Variants in MACROH2A1 observed in about 807,000 individuals in gnomAD.
The protein encoded by MACROH2A1 is core histone macro-H2A.1.
In MACROH2A1, 2 loss-of-function variants were observed where a neutral mutation model predicts 31.6. That is an observed-to-expected ratio of 0.06 (90% CI 0.03 to 0.20). MACROH2A1 has a LOEUF of 0.20. Ranked by LOEUF, MACROH2A1 falls within the 10% of genes least tolerant of loss-of-function variation. The pLI is 1.00. For synonymous variants in MACROH2A1, 169 were observed against 189.6 expected, an observed-to-expected ratio of 0.89 and a Z score of 0.89; for missense variants, 230 against 474.0, an observed-to-expected ratio of 0.49 and a Z score of 4.78.
chr5:135,366,508 T>G (rs902399669), intron 4 of MACROH2A1, among the ~76,000 whole-genome samples: 5 of 151,180 alleles, frequency 3.3e-5, no homozygotes, highest in Non-Finnish European at 2.9e-5. Flanking sequence ...AGCTAGGAAA[T>G]AGCTAACCCC....
chr5:135,397,580 G>A lies in MACROH2A1; in HGVS notation c.-34+1482C>T, dbSNP rs565738778. On this transcript the variant is annotated intron_variant, in intron 1 of 8. Coordinates refer to ENST00000511689, the MANE Select transcript of MACROH2A1 (RefSeq NM_138610.3). ...TCTCTCCTTGTAAAACTAGAAGGGGGAAGAATTTGAAGTCTTTCAAGAGTT... is the reference window on the plus strand; with the variant it reads ...TCTCTCCTTGTAAAACTAGAAGGGGAAAGAATTTGAAGTCTTTCAAGAGTT... 1.8e-4 allele frequency among the ~76,000 whole-genome samples: 28 copies of A among 152,292 alleles called. 1 individual carries two copies. The South Asian group carries it at 5.4e-3, about 29-fold the overall frequency.
chr5:135,351,543 A>ATTTTTTTTTTTTTT lies in MACROH2A1; in HGVS notation c.688+1389_688+1402dup, dbSNP rs57605717. The ATTTTTTTTTTTTTT allele has an allele frequency of 3.7e-4, 18 of 48,498 alleles. 5 individuals are homozygous for ATTTTTTTTTTTTTT. The highest frequency in any genetic ancestry group is 5.4e-4 in the African/African-American group (7 of 13,010). The allele number at this position is 48,498 out of a possible 1,614,324, so 3.0% of individuals were successfully genotyped here. A position where few individuals can be genotyped will look rare whatever the true frequency, so the allele number is the denominator to read the frequency against. Reference sequence around the variant, plus strand: ...TAGCCTATCTTATTTTTATGGTTTAATTTTTTTTTTTTTTTTTTTTTTTTT... The same window carrying ATTTTTTTTTTTTTT: ...TAGCCTATCTTATTTTTATGGTTTAATTTTTTTTTTTTTTTTTTTTTTTTTTTTTTTTTTTTTTT... On this transcript the variant is annotated intron_variant, in intron 6 of 8. Coordinates refer to ENST00000511689, the MANE Select transcript of MACROH2A1 (RefSeq NM_138610.3).
chr5:135,395,735 G>A (rs1199826418), intron 1 of MACROH2A1, among the ~76,000 whole-genome samples: 1 of 152,126 alleles, frequency 6.6e-6, no homozygotes, highest in Non-Finnish European at 1.5e-5. Context: ...CACTCTGATT[G>A]GCTTGGATCA....
At chr5:135,368,436 G>T (rs1212047666) in intron 4 of MACROH2A1, among the ~76,000 whole-genome samples, 1 of 152,230 alleles carries the variant, frequency 6.6e-6, no homozygotes, top group Middle Eastern at 3.2e-3. Context: ...AGATTCCACA[G>T]ATGCATTTCC....
At chr5:135,367,077 A>C (rs550889229) in intron 4 of MACROH2A1, among the ~76,000 whole-genome samples, 3 of 152,340 alleles carry the variant, frequency 2.0e-5, no homozygotes, top group Non-Finnish European at 1.5e-5. Flanking sequence ...AAGTGTTGAC[A>C]CCTGAAAAAT....
chr5:135,345,862 C>G (rs765649229), intron 7 of MACROH2A1, 106 bp downstream of exon 7: 7 of 746,882 alleles, frequency 9.4e-6, no homozygotes, highest in Non-Finnish European at 1.7e-5. Flanking sequence ...CTTGAAGATG[C>G]GGCTGTGCTG....
chr5:135,358,288 T>C (rs1017171860), intron 5 of MACROH2A1: 4 of 985,288 alleles, frequency 4.1e-6, no homozygotes, highest in Middle Eastern at 5.2e-4. Flanking sequence ...GAAAGGGCAG[T>C]TGGAACCCTA....
intron 4 of MACROH2A1, 123 bp from the exon 5 acceptor site, chr5:135,360,730 C>A: frequency 2.7e-6 from 2 of 736,286 alleles, no homozygotes; most frequent in Non-Finnish European, 4.9e-6. Context: ...ACAACCAGTT[C>A]TCAGCGTTTC....
intron 2 of MACROH2A1, among the ~76,000 whole-genome samples, chr5:135,377,972 T>C (rs149515521): frequency 2.4e-4 from 37 of 152,336 alleles, no homozygotes; most frequent in Non-Finnish European, 4.4e-4. Context: ...CTATAGCTCC[T>C]GAGGTCTTTA....
chr5:135,399,337 G>A (rs1005195141), upstream of MACROH2A1: 2 of 152,112 alleles, frequency 1.3e-5, no homozygotes, highest in Non-Finnish European at 2.9e-5. The surrounding 1 kb of genome is among the most constrained non-coding windows in gnomAD (Gnocchi z 4.5). Context: ...CCGGCGCCCC[G>A]GCCTTGACCC....
At chr5:135,372,111 T>C (rs1764245905) in intron 2 of MACROH2A1, among the ~76,000 whole-genome samples, 1 of 152,136 alleles carries the variant, frequency 6.6e-6, no homozygotes, top group Non-Finnish European at 1.5e-5. Context: ...AGGCAGGAAT[T>C]CCTTTGCTCA....
intron 4 of MACROH2A1, among the ~76,000 whole-genome samples, chr5:135,364,379 A>C (rs1050805495): frequency 1.3e-5 from 2 of 152,228 alleles, no homozygotes; most frequent in Non-Finnish European, 2.9e-5. Context: ...TACATATGTA[A>C]CACACCTGCA....
chr5:135,397,189 G>A lies in MACROH2A1; in HGVS notation c.-34+1873C>T, dbSNP rs550974740. Reference sequence around the variant, plus strand: ...AATCTCCTTTAGGTGACTTGGGGCCGCATTAGCTCTGAAGGCAGGTCCCAG... The same window carrying A: ...AATCTCCTTTAGGTGACTTGGGGCCACATTAGCTCTGAAGGCAGGTCCCAG... On this transcript the variant is annotated intron_variant, in intron 1 of 8. Transcript: ENST00000511689. Among the ~76,000 whole-genome samples the A allele has an allele frequency of 3.9e-5, 6 of 152,120 alleles. No homozygotes were observed. In the South Asian group the frequency reaches 6.2e-4, roughly 16 times the overall value.
chr5:135,358,446 A>G lies in MACROH2A1; in HGVS notation c.588+2051T>C, dbSNP rs550774827. On this transcript the variant is annotated intron_variant, in intron 5 of 8. Transcript: ENST00000511689. ...TCTTGGATCATAAAGTCACAAGCAC[A>G]TTAAACAGGAAGGGCAGTTTCTTGG... 3.0e-6 allele frequency: 3 copies of G among 985,414 alleles called. No homozygotes were observed. In the African/African-American group the frequency reaches 5.2e-5, roughly 17 times the overall value. 61.0% of individuals were successfully genotyped at this position (985,414 alleles called of 1,614,324 possible).
chr5:135,362,176 T>A (rs1762922488), intron 4 of MACROH2A1: 1 of 152,198 alleles, frequency 6.6e-6, no homozygotes, highest in East Asian at 1.9e-4. Context: ...TCAACAAAAC[T>A]GAAGCAATAC....
rs141929192 is a variant in MACROH2A1 at position 135,338,387 on chromosome 5, C to G, written c.954-3246G>C. ...AAATGCAAAGCACCGGGGCATGGCA[C>G]AGAGAGTCTTCAGTTAAGAGGAGCT... On this transcript the variant is annotated intron_variant, in intron 8 of 8. Transcript: ENST00000511689. Among the ~76,000 whole-genome samples, 369 of 152,358 alleles carry G rather than the reference C, an allele frequency of 2.4e-3. 2 individuals carry two copies. The highest frequency in any genetic ancestry group is 8.5e-3 in the African/African-American group (354 of 41,576).
chr5:135,335,917 G>C (rs1758577274), intron 8 of MACROH2A1, among the ~76,000 whole-genome samples: 1 of 152,318 alleles, frequency 6.6e-6, no homozygotes, highest in South Asian at 2.1e-4. Flanking sequence ...TGGGCAGCTT[G>C]CCTGGTCTAG....
intron 2 of MACROH2A1, among the ~76,000 whole-genome samples, chr5:135,387,709 T>C (rs1379301841): frequency 6.6e-6 from 1 of 152,144 alleles, no homozygotes; most frequent in African/African-American, 2.4e-5. Flanking sequence ...GAGGCCTGGC[T>C]TTCTCATCAC....
In MACROH2A1 at chr5:135,399,166, C is replaced by T. The variant is rs1451701921; in HGVS notation, c.-138G>A. ...GCGCTCCTCGCTGGCCCGCCCGCCT[C>T]TTCGCTTCCCGCCCGCGCGGCCCGC... On this transcript the variant is annotated 5_prime_UTR_variant, in exon 1 of 9. Coordinates refer to ENST00000511689, the MANE Select transcript of MACROH2A1 (RefSeq NM_138610.3). This position sits in a 1 kb window ranked among gnomAD's most constrained non-coding sequence, Gnocchi z 4.5. 6.6e-6 allele frequency: 1 copy of T among 151,468 alleles called. No homozygotes were observed. The highest frequency in any genetic ancestry group is 2.4e-5 in the African/African-American group (1 of 40,906). The allele number at this position is 151,468 out of a possible 1,614,324, so 9.4% of individuals were successfully genotyped here.
Sources: gnomAD v4.1 joint callset for allele counts (sites outside exome capture counted in the v4.1 genomes callset) on GRCh38, gnomAD v4.1.1 for gene constraint, Gnocchi (gnomAD v3.1) non-coding constraint, MANE v1.5 for transcripts, NCBI Gene and HGNC (gene_info 2026-07-23, HGNC 2026-07-21) for gene names.